Variants in DROSHA observed in about 807,000 individuals in gnomAD.
The protein encoded by DROSHA is drosha ribonuclease III, also known as ribonuclease 3.
A neutral mutation model predicts 181.9 loss-of-function variants in DROSHA; 56 were observed. The observed-to-expected ratio is 0.31, with a 90% CI of 0.25 to 0.38. The LOEUF (loss-of-function observed/expected upper bound fraction) is 0.38. Ranked by LOEUF, DROSHA falls within the 10% of genes least tolerant of loss-of-function variation. The pLI is 1.00. For synonymous variants in DROSHA, 524 were observed against 591.2 expected (o/e 0.89, Z 1.65); for missense variants, 1,218 against 1,743.5 (o/e 0.70, Z 5.37).
intron 35 of DROSHA, among the ~76,000 whole-genome samples, chr5:31,405,155 T>C (rs1320495640): frequency 6.6e-6 from 1 of 151,932 alleles, no homozygotes; most frequent in Admixed American, 6.6e-5. Flanking sequence ...TCATCTGAGG[T>C]TAGGAGTTCC....
intron 27 of DROSHA, 144 bp downstream of exon 27, chr5:31,429,331 T>C: frequency 1.6e-6 from 1 of 640,812 alleles, no homozygotes; most frequent in Non-Finnish European, 2.5e-6. Context: ...GAATAAGCCA[T>C]TTTGGTGTAT....
At chr5:31,435,924 C>T (rs1211890102) in intron 24 of DROSHA, 60 bp from the exon 25 acceptor site, 2 of 1,518,454 alleles carry the variant, frequency 1.3e-6, no homozygotes, top group Non-Finnish European at 9.0e-7. Flanking sequence ...GTCTGTGGCT[C>T]TGAGTCACAG....
chr5:31,508,597 C>T, intron 10 of DROSHA, 24 bp downstream of exon 10: 3 of 1,613,782 alleles, frequency 1.9e-6, no homozygotes, highest in Non-Finnish European at 2.5e-6. Flanking sequence ...GCAACCTTCA[C>T]AGCAAGGGCA....
intron 23 of DROSHA, among the ~76,000 whole-genome samples, chr5:31,443,239 A>C (rs1745841981): frequency 6.6e-6 from 1 of 151,744 alleles, no homozygotes. Context: ...GCTGGACTTG[A>C]ACTCCTGACC....
intron 13 of DROSHA, chr5:31,486,782 G>T (rs568903017): frequency 1.2e-3 from 514 of 443,648 alleles, no homozygotes; most frequent in Non-Finnish European, 1.6e-3. Flanking sequence ...GCATAATGTG[G>T]TGCTTAATTA....
chr5:31,425,792 G>A (rs1454941464), intron 27 of DROSHA, among the ~76,000 whole-genome samples: 2 of 152,086 alleles, frequency 1.3e-5, no homozygotes, highest in African/African-American at 4.8e-5. Flanking sequence ...GAGTCAGGCT[G>A]CCTGGGTCCA....
At position 31,407,753 on chromosome 5, in the gene DROSHA, C is replaced by T. The variant is rs144642801; in HGVS notation, c.3855-808G>A. Among the ~76,000 whole-genome samples the T allele has an allele frequency of 1.7e-3, 260 of 152,254 alleles. 1 individual carries two copies. Among genetic ancestry groups the T allele is most frequent in the African/African-American group, 5.8e-3 (240 of 41,556 alleles). On this transcript the variant is annotated intron_variant, in intron 33 of 35. Coordinates refer to ENST00000344624, the MANE Select transcript of DROSHA (RefSeq NM_001382508.1). ...CATAGCAATTTCCTTTGTGTTCGTACGCTCCATGGGATGAATGTGCACGAG... is the reference window on the plus strand; with the variant it reads ...CATAGCAATTTCCTTTGTGTTCGTATGCTCCATGGGATGAATGTGCACGAG...
chr5:31,522,809 GGT>G (rs1300944807), intron 5 of DROSHA, among the ~76,000 whole-genome samples: 1 of 152,152 alleles, frequency 6.6e-6, no homozygotes, highest in East Asian at 1.9e-4. Context: ...CAGTGTGCTT[GGT>G]GCACTACATC....
In DROSHA at chr5:31,526,006, G is replaced by C. The variant is rs1740495295; in HGVS notation, c.854+73C>G. 3.5e-6 allele frequency: 5 copies of C among 1,412,920 alleles called. No homozygotes were observed. In the African/African-American group the frequency reaches 7.1e-5, roughly 20 times the overall value. 87.5% of individuals were successfully genotyped at this position (1,412,920 alleles called of 1,614,324 possible). On this transcript the variant is annotated intron_variant, in intron 5 of 35. Coordinates refer to ENST00000344624, the MANE Select transcript of DROSHA (RefSeq NM_001382508.1). ...ATGCCCTACTGGATCCTTTTGGTTTGGTTGTCATAAATGGAGAATGACCGT... is the reference window on the plus strand; with the variant it reads ...ATGCCCTACTGGATCCTTTTGGTTTCGTTGTCATAAATGGAGAATGACCGT...
intron 17 of DROSHA, among the ~76,000 whole-genome samples, chr5:31,469,199 A>G (rs1749454293): frequency 6.6e-6 from 1 of 152,154 alleles, no homozygotes; most frequent in South Asian, 2.1e-4. Context: ...TCTACTAAAA[A>G]TACAAAAATT....
rs141490955 is a variant in DROSHA, at chr5:31,495,769, G to A, written c.1669-397C>T. The stretch of plus-strand genomic sequence containing the variant: ...TGTTCTTCCATCTGGGTCGGTGGGT[G>A]AGCAGGCCACGTCAGTTGTAAGGAG... On this transcript the variant is annotated intron_variant, in intron 11 of 35. Coordinates refer to ENST00000344624, the MANE Select transcript of DROSHA (RefSeq NM_001382508.1). Among the ~76,000 whole-genome samples the A allele has an allele frequency of 6.3e-3, 955 of 152,356 alleles. 7 individuals are homozygous for A. Among genetic ancestry groups the A allele is most frequent in the Non-Finnish European group, 0.011 (769 of 68,022 alleles).
In DROSHA at chr5:31,504,098, G is replaced by A. The variant is rs181869877; in HGVS notation, c.1668+457C>T. Among the ~76,000 whole-genome samples, 238 of 152,270 alleles carry A rather than the reference G, an allele frequency of 1.6e-3. 1 individual carries two copies. Among genetic ancestry groups the A allele is most frequent in the Non-Finnish European group, 2.2e-3 (153 of 68,026 alleles). On this transcript the variant is annotated intron_variant, in intron 11 of 35. Coordinates refer to ENST00000344624, the MANE Select transcript of DROSHA (RefSeq NM_001382508.1). Reference sequence around the variant, plus strand: ...TCTACCTATTCAGTTAAACTTATTAGAGGGTCCCTGATAAACCAAGGGCAG... The same window carrying A: ...TCTACCTATTCAGTTAAACTTATTAAAGGGTCCCTGATAAACCAAGGGCAG...
chr5:31,465,006 A>G (rs942683511), intron 19 of DROSHA, among the ~76,000 whole-genome samples: 5 of 152,206 alleles, frequency 3.3e-5, no homozygotes, highest in African/African-American at 1.2e-4. Context: ...CAGGCCAAAT[A>G]GCACAAGAGG....
intron 12 of DROSHA, among the ~76,000 whole-genome samples, chr5:31,494,966 G>A (rs1356744924): frequency 6.6e-6 from 1 of 152,130 alleles, no homozygotes; most frequent in Non-Finnish European, 1.5e-5. Context: ...GAGCCACCGC[G>A]CCCGGCCACC....
At chr5:31,439,752 G>C (rs16901165) in intron 23 of DROSHA, among the ~76,000 whole-genome samples, 1 of 152,034 alleles carries the variant, frequency 6.6e-6, no homozygotes, top group Admixed American at 6.6e-5. Flanking sequence ...AATATGAAAA[G>C]AACCTTAATG....
At chr5:31,443,848 G>T (rs904926004) in intron 23 of DROSHA, among the ~76,000 whole-genome samples, 2 of 152,156 alleles carry the variant, frequency 1.3e-5, no homozygotes, top group Admixed American at 1.3e-4. Flanking sequence ...TAAAAGTAGT[G>T]TGACGAATGG....
rs1186949948 is a variant in DROSHA, at chr5:31,526,536, G to T, written c.397C>A (p.Pro133Thr). 2 of 1,556,798 alleles carry T rather than the reference G, an allele frequency of 1.3e-6. No homozygotes were observed. The highest frequency in any genetic ancestry group is 1.7e-6 in the Non-Finnish European group (2 of 1,151,666). Residue 133 changes from proline to threonine, a missense_variant, in exon 5 of 36, where the codon CCT becomes ACT. This residue lies in a region of DROSHA where 536 missense variants were observed against 535.4 expected (regional missense o/e 1.00). Coordinates refer to ENST00000344624, the MANE Select transcript of DROSHA (RefSeq NM_001382508.1). The stretch of plus-strand genomic sequence containing the variant: ...GTGCCTTGTCCAGGAGGTGCCCCAG[G>T]GACTGGGGGGTTATTAGGACAAGGC... ...PMPCPNNPPV[P>T]GAPPGQGTFP...
chr5:31,495,426 T>G, intron 11 of DROSHA, 54 bp from the exon 12 acceptor site: 1 of 1,497,482 alleles, frequency 6.7e-7, no homozygotes, highest in African/African-American at 1.4e-5. Flanking sequence ...GTACTTTTAC[T>G]TAAAAATATA....
chr5:31,458,694 C>A (rs1747990101), intron 20 of DROSHA, among the ~76,000 whole-genome samples: 2 of 152,150 alleles, frequency 1.3e-5, no homozygotes, highest in Non-Finnish European at 2.9e-5. Context: ...TTGTAATGGG[C>A]AGTAGCCACA....
Sources: allele counts gnomAD v4.1 joint callset (sites outside exome capture counted in the v4.1 genomes callset), GRCh38; gene constraint gnomAD v4.1.1; regional missense constraint gnomAD v4.1.1; transcripts MANE v1.5; gene names NCBI Gene and HGNC (gene_info 2026-07-23, HGNC 2026-07-21).